Variants in TMEM63B observed in about 807,000 individuals in gnomAD.
TMEM63B encodes mechanosensitive cation channel TMEM63B.
Under a neutral mutation model 102.6 loss-of-function variants are expected in TMEM63B, and 23 were observed. The ratio of observed to expected loss-of-function variants is 0.22; its 90% CI spans 0.16 to 0.32. TMEM63B has a LOEUF of 0.32. TMEM63B is among the 10% of genes least tolerant of loss of function. The probability of loss-of-function intolerance (pLI) is 1.00; values close to 1 mark genes in which losing one functional copy is unlikely to be tolerated. For synonymous variants in TMEM63B, 444 were observed against 437.0 expected (o/e 1.02, Z -0.20); for missense variants, 628 against 1,095.9 (o/e 0.57, Z 6.03).
chr6:44,144,261 G>A (rs765549756), intron 10 of TMEM63B, among the ~76,000 whole-genome samples: 1 of 152,364 alleles, frequency 6.6e-6, no homozygotes, highest in African/African-American at 2.4e-5. Flanking sequence ...GGCAGGGCTT[G>A]TGGTCCAAGT....
intron 15 of TMEM63B, 85 bp from the exon 16 acceptor site, chr6:44,149,774 G>A: frequency 9.1e-7 from 1 of 1,096,154 alleles, no homozygotes; most frequent in South Asian, 1.4e-5. Flanking sequence ...GAGGCCAAGG[G>A]CCCAGCTGGG....
chr6:44,147,944 A>G (rs571416488), intron 12 of TMEM63B, among the ~76,000 whole-genome samples: 6 of 152,150 alleles, frequency 3.9e-5, no homozygotes, highest in Non-Finnish European at 8.8e-5. Context: ...GAAACATGGC[A>G]AAACCTGATC....
chr6:44,148,155 C>T lies in TMEM63B; in HGVS notation c.988-97C>T. On this transcript the variant is annotated intron_variant, in intron 12 of 23. Coordinates refer to ENST00000323267, the MANE Select transcript of TMEM63B (RefSeq NM_018426.3). The surrounding 1 kb of genome is among the most constrained non-coding windows in gnomAD (Gnocchi z 5.1). ...AAAAAAATGCTTAGAGGAGCAGTGC[C>T]TGGCTTGTAGGAAGCCCCAAGTCAG... 1 of 1,544,364 alleles carries T rather than the reference C, an allele frequency of 6.5e-7. No individual in the cohort carries two copies. Among genetic ancestry groups the T allele is most frequent in the Non-Finnish European group, 8.7e-7 (1 of 1,147,522 alleles).
In TMEM63B at chr6:44,152,112, C is replaced by CT; in HGVS notation, c.1836+106dup. The CT allele has an allele frequency of 7.3e-7, 1 of 1,372,478 alleles. No homozygotes were observed. The highest frequency in any genetic ancestry group is 9.7e-7 in the Non-Finnish European group (1 of 1,032,716). The allele number at this position is 1,372,478 out of a possible 1,614,324, so 85.0% of individuals were successfully genotyped here. On this transcript the variant is annotated intron_variant, in intron 19 of 23. Coordinates refer to ENST00000323267, the MANE Select transcript of TMEM63B (RefSeq NM_018426.3). This position sits in a 1 kb window ranked among gnomAD's most constrained non-coding sequence, Gnocchi z 6.4. ...GTTGAGGGGCACAGGAGGGCTGAGA[C>CT]TTGGGGAGTACAGTTGACTCACGGT... is the stretch of plus-strand genomic sequence containing the variant.
At chr6:44,147,544 T>A (rs1582811918) in intron 12 of TMEM63B, 44 bp downstream of exon 12, 2 of 1,605,630 alleles carry the variant, frequency 1.2e-6, no homozygotes, top group Admixed American at 3.4e-5. Context: ...GTTGGACAGG[T>A]CCTGGGCAGG....
intron 10 of TMEM63B, among the ~76,000 whole-genome samples, chr6:44,142,182 A>G (rs907293322): frequency 3.3e-5 from 5 of 151,132 alleles, no homozygotes; most frequent in African/African-American, 1.2e-4. Flanking sequence ...TGTAATCCCA[A>G]CACTTTGGGA....
chr6:44,128,167 G>A (rs554406674), intron 1 of TMEM63B, among the ~76,000 whole-genome samples: 130 of 152,282 alleles, frequency 8.5e-4, no homozygotes, highest in Middle Eastern at 3.4e-3. Context: ...GAGTACACCC[G>A]AAGCCGGTCC....
At chr6:44,149,079 A>C in intron 15 of TMEM63B, 134 bp downstream of exon 15, 4 of 1,381,328 alleles carry the variant, frequency 2.9e-6, no homozygotes, top group African/African-American at 1.4e-5. Context: ...AGCTCCCAAA[A>C]ACCCCTGTGT....
chr6:44,136,180 A>T (rs185952206), intron 4 of TMEM63B, among the ~76,000 whole-genome samples, 169 bp from the exon 5 acceptor site: 8 of 152,194 alleles, frequency 5.3e-5, no homozygotes, highest in African/African-American at 1.9e-4. Context: ...AGGAAGAGGC[A>T]TATTTGAGGG....
chr6:44,130,356 C>G (rs187710560), intron 1 of TMEM63B, among the ~76,000 whole-genome samples: 6 of 152,286 alleles, frequency 3.9e-5, no homozygotes, highest in African/African-American at 1.4e-4. Context: ...GTGCTTAGAA[C>G]AGTGCTTGGC....
chr6:44,136,630 A>G (rs538197548), intron 5 of TMEM63B, among the ~76,000 whole-genome samples, 191 bp downstream of exon 5: 1 of 152,342 alleles, frequency 6.6e-6, no homozygotes, highest in African/African-American at 2.4e-5. Context: ...GCTGTCCTCT[A>G]TGTCACAGTC....
intron 5 of TMEM63B, 156 bp from the exon 6 acceptor site, chr6:44,138,324 G>T: frequency 1.2e-6 from 1 of 852,808 alleles, no homozygotes; most frequent in Admixed American, 2.1e-5. Context: ...CCCTTTTTGG[G>T]TATAAGCTAG....
rs1337916380 is a variant in TMEM63B at position 44,148,115 on chromosome 6, G to C, written c.988-137G>C. Reference sequence around the variant, plus strand: ...TCCAGCCTGGGCATCAGAGCGAGACGCTGTTTCCAAAAAAAAAAAAATGCT... The same window carrying C: ...TCCAGCCTGGGCATCAGAGCGAGACCCTGTTTCCAAAAAAAAAAAAATGCT... On this transcript the variant is annotated intron_variant, in intron 12 of 23. Coordinates refer to ENST00000323267, the MANE Select transcript of TMEM63B (RefSeq NM_018426.3). The surrounding 1 kb of genome is among the most constrained non-coding windows in gnomAD (Gnocchi z 5.1). The C allele has an allele frequency of 7.6e-7, 1 of 1,310,868 alleles. No individual in the cohort carries two copies. The highest frequency in any genetic ancestry group is 1.0e-6 in the Non-Finnish European group (1 of 956,502). The allele number at this position is 1,310,868 out of a possible 1,614,324, so 81.2% of individuals were successfully genotyped here. A position where few individuals can be genotyped will look rare whatever the true frequency, so the allele number is the denominator to read the frequency against.
rs537488308 is a variant in TMEM63B, at chr6:44,151,776, G to A, written c.1674-70G>A. On this transcript the variant is annotated intron_variant, in intron 18 of 23. Transcript: ENST00000323267. ...GGTGGTGGAGGTGTTGGGTGCTGTA[G>A]TTCTGGCAGTGGGCGGGCGGCCACC... 5.1e-5 allele frequency: 77 copies of A among 1,511,394 alleles called. No individual in the cohort carries two copies. In the South Asian group the frequency reaches 9.6e-4, roughly 19 times the overall value. 93.6% of individuals were successfully genotyped at this position (1,511,394 alleles called of 1,614,324 possible).
Position 44,152,529 on chromosome 6 carries a change from C to G in TMEM63B, c.1837-64C>G. 1 of 1,270,444 alleles carries G rather than the reference C, an allele frequency of 7.9e-7. No homozygotes were observed. 78.7% of individuals were successfully genotyped at this position (1,270,444 alleles called of 1,614,324 possible). A position where few individuals can be genotyped will look rare whatever the true frequency, so the allele number is the denominator to read the frequency against. On this transcript the variant is annotated intron_variant, in intron 19 of 23. Transcript: ENST00000323267. The surrounding 1 kb of genome is among the most constrained non-coding windows in gnomAD (Gnocchi z 6.4). ...GTCCTGGCTCCCTTCCCCCTCCCTC[C>G]TTCCCTGCCCCTCTGGTCAGTCCCT... is the stretch of plus-strand genomic sequence containing the variant.
chr6:44,138,688 C>T (rs1043388252), intron 6 of TMEM63B, 171 bp downstream of exon 6: 38 of 652,544 alleles, frequency 5.8e-5, no homozygotes, highest in East Asian at 5.0e-4. Context: ...CTCTGCTGTA[C>T]CCTGAACACT....
intron 5 of TMEM63B, among the ~76,000 whole-genome samples, chr6:44,138,047 C>T (rs2128232852): frequency 6.6e-6 from 1 of 152,216 alleles, no homozygotes; most frequent in East Asian, 1.9e-4. Context: ...GGGCTTTTGT[C>T]CTTCTGGGGT....
intron 18 of TMEM63B, among the ~76,000 whole-genome samples, chr6:44,151,412 G>A (rs867545928): frequency 6.6e-6 from 1 of 152,024 alleles, no homozygotes; most frequent in South Asian, 2.1e-4. Flanking sequence ...AGATGTTGCG[G>A]GAAGGGTCTC....
intron 11 of TMEM63B, 62 bp from the exon 12 acceptor site, chr6:44,147,315 G>T: frequency 6.2e-7 from 1 of 1,612,588 alleles, no homozygotes; most frequent in South Asian, 1.1e-5. Flanking sequence ...TGAGCTAGAT[G>T]ACCCCCAAGC....
Sources: gnomAD v4.1 joint callset for allele counts (sites outside exome capture counted in the v4.1 genomes callset) on GRCh38, gnomAD v4.1.1 for gene constraint, Gnocchi (gnomAD v3.1) non-coding constraint, MANE v1.5 for transcripts, NCBI Gene and HGNC (gene_info 2026-07-23, HGNC 2026-07-21) for gene names.